The following GFPT1 variants were observed in gnomAD, a reference collection of about 807,000 sequenced individuals.
GFPT1 encodes glutamine--fructose-6-phosphate aminotransferase [isomerizing] 1.
A neutral mutation model predicts 92.0 loss-of-function variants in GFPT1; 40 were observed. The ratio of observed to expected loss-of-function variants is 0.43; its 90% CI spans 0.34 to 0.57. GFPT1 has a LOEUF of 0.57. GFPT1 is among the 20% of genes least tolerant of loss of function. The pLI is 0.02. For synonymous variants in GFPT1, 269 were observed against 280.6 expected (o/e 0.96, Z 0.41); for missense variants, 448 against 869.1 (o/e 0.52, Z 6.09).
At chr2:69,342,316 G>C in intron 12 of GFPT1, 67 bp from the exon 13 acceptor site, 2 of 931,342 alleles carry the variant, frequency 2.1e-6, no homozygotes, top group Non-Finnish European at 1.8e-6. Flanking sequence ...ATCGCATTTT[G>C]TGAGTATCCA....
At chr2:69,386,563 T>C (rs1045906024) in intron 1 of GFPT1, among the ~76,000 whole-genome samples, 1 of 152,210 alleles carries the variant, frequency 6.6e-6, no homozygotes, top group African/African-American at 2.4e-5. Flanking sequence ...TCACGTTTAA[T>C]GGCACTACCG....
At position 69,338,104 on chromosome 2, in the gene GFPT1, T is replaced by C. The variant is rs765166416; in HGVS notation, c.1325-49A>G. On this transcript the variant is annotated intron_variant, in intron 14 of 19. Coordinates refer to ENST00000357308, the MANE Select transcript of GFPT1 (RefSeq NM_001244710.2). The stretch of plus-strand genomic sequence containing the variant: ...TAACACACAGAACAGTTTTAACATA[T>C]GCTGTTTCTTAGGAGCAAAAACAAA... The C allele has an allele frequency of 4.5e-6, 7 of 1,561,644 alleles. No individual in the cohort carries two copies. In the Admixed American group the frequency reaches 6.7e-5, roughly 15 times the overall value.
chr2:69,349,183 T>C (rs1224184587), intron 10 of GFPT1, among the ~76,000 whole-genome samples: 1 of 152,200 alleles, frequency 6.6e-6, no homozygotes, highest in Non-Finnish European at 1.5e-5. Flanking sequence ...GCCTCCTCAC[T>C]ATGGAAGAGC....
Position 69,324,196 on chromosome 2 carries a change from T to G in GFPT1, c.*1993A>C, listed in dbSNP as rs1301875804. ...GTTTAGAACTTACCCTAGCTTTCAG[T>G]ATATTTGTGTGTGTGTGTGTACACA... On this transcript the variant is annotated 3_prime_UTR_variant, in exon 20 of 20. Transcript: ENST00000357308. 1 of 152,072 alleles carries G rather than the reference T, an allele frequency of 6.6e-6. No individual in the cohort carries two copies. Among genetic ancestry groups the G allele is most frequent in the Non-Finnish European group, 1.5e-5 (1 of 68,044 alleles). The allele number at this position is 152,072 out of a possible 1,614,324, so 9.4% of individuals were successfully genotyped here.
intron 10 of GFPT1, among the ~76,000 whole-genome samples, chr2:69,348,927 ACTCT>A (rs531154216): frequency 6.6e-6 from 1 of 151,140 alleles, no homozygotes; most frequent in African/African-American, 2.4e-5. Flanking sequence ...GCTTCCTCTC[ACTCT>A]CTCTATTCTG....
At chr2:69,328,502 T>G in intron 17 of GFPT1, 64 bp from the exon 18 acceptor site, 2 of 1,208,242 alleles carry the variant, frequency 1.7e-6, no homozygotes, top group Non-Finnish European at 2.5e-6. Context: ...TAAGTAAATA[T>G]TATAAAAAGC....
intron 9 of GFPT1, among the ~76,000 whole-genome samples, chr2:69,353,570 G>A (rs993275145): frequency 1.3e-5 from 2 of 151,994 alleles, no homozygotes; most frequent in East Asian, 1.9e-4. Flanking sequence ...GCACACGCTT[G>A]TAGTACTAGC....
chr2:69,366,322 CTCA>C (rs1378531862), intron 3 of GFPT1, among the ~76,000 whole-genome samples: 1 of 152,168 alleles, frequency 6.6e-6, no homozygotes, highest in Non-Finnish European at 1.5e-5. Flanking sequence ...AAGCACATTT[CTCA>C]TAATAAATAT....
At chr2:69,343,544 G>A (rs761952722) in intron 12 of GFPT1, among the ~76,000 whole-genome samples, 2 of 152,022 alleles carry the variant, frequency 1.3e-5, no homozygotes, top group South Asian at 4.2e-4. Context: ...CTTAGTAGCT[G>A]GGATTACAGG....
At chr2:69,340,310 C>T (rs899653943) in intron 13 of GFPT1, among the ~76,000 whole-genome samples, 1 of 151,934 alleles carries the variant, frequency 6.6e-6, no homozygotes, top group Non-Finnish European at 1.5e-5. Flanking sequence ...TATAGGCACA[C>T]ACCACTGCAC....
At position 69,363,583 on chromosome 2, in the gene GFPT1, G is replaced by A. The variant is rs1304621900; in HGVS notation, c.311C>T (p.Pro104Leu). The A allele has an allele frequency of 6.2e-7, 1 of 1,613,726 alleles. No individual in the cohort carries two copies. Among genetic ancestry groups the A allele is most frequent in the African/African-American group, 1.3e-5 (1 of 74,918 alleles). Residue 104 changes from proline to leucine, a missense_variant, in exon 4 of 20, where the codon CCT (proline) becomes CTT (leucine). By Grantham distance (98) the Pro-to-Leu change is moderately conservative. This residue lies in a region of GFPT1 where 118 missense variants were observed against 192.9 expected (regional missense o/e 0.61). Transcript: ENST00000357308. ...TRWATHGEPS[P>L]VNSHPQRSDK... ...AGAGCGCTGGGGGTGGCTATTGACAGGACTGGGTTCTCCATGTGTTGCCCA... is the reference window on the plus strand; with the variant it reads ...AGAGCGCTGGGGGTGGCTATTGACAAGACTGGGTTCTCCATGTGTTGCCCA...
intron 17 of GFPT1, among the ~76,000 whole-genome samples, chr2:69,328,701 CTT>C (rs10634143): frequency 9.5e-5 from 13 of 136,154 alleles, no homozygotes; most frequent in East Asian, 2.1e-4. Flanking sequence ...CTGGTTAACC[CTT>C]TTTTTTTTTT....
chr2:69,338,578 T>C lies in GFPT1; in HGVS notation c.1204-13A>G, dbSNP rs1670859146. ...GAACTTGACGTGTCTGCAGAGAAAA[T>C]ATGACTTGGTCACAGAACTTTCCTT... On this transcript the variant is annotated splice_polypyrimidine_tract_variant and intron_variant, in intron 13 of 19. Coordinates refer to ENST00000357308, the MANE Select transcript of GFPT1 (RefSeq NM_001244710.2). 1.2e-6 allele frequency: 2 copies of C among 1,613,604 alleles called. No individual in the cohort carries two copies. The highest frequency in any genetic ancestry group is 1.3e-5 in the African/African-American group (1 of 74,914).
chr2:69,369,665 G>C (rs1671695370), intron 3 of GFPT1, among the ~76,000 whole-genome samples: 1 of 152,172 alleles, frequency 6.6e-6, no homozygotes, highest in East Asian at 1.9e-4. Flanking sequence ...ATGTGTAAAA[G>C]GGCATCACTA....
chr2:69,352,539 G>C (rs1671232742), intron 9 of GFPT1, among the ~76,000 whole-genome samples: 1 of 148,704 alleles, frequency 6.7e-6, no homozygotes, highest in Non-Finnish European at 1.5e-5. Flanking sequence ...CTTGAACCCG[G>C]GAGGCCGAGG....
At chr2:69,341,626 A>C (rs1273237984) in intron 13 of GFPT1, among the ~76,000 whole-genome samples, 1 of 150,368 alleles carries the variant, frequency 6.7e-6, no homozygotes, top group Non-Finnish European at 1.5e-5. Flanking sequence ...ACCCTCATAC[A>C]CCTATGCTTC....
intron 2 of GFPT1, among the ~76,000 whole-genome samples, chr2:69,371,024 TG>T (rs1405461998): frequency 6.7e-6 from 1 of 149,270 alleles, no homozygotes; most frequent in Non-Finnish European, 1.5e-5. Context: ...AAAAACAGGG[TG>T]GGGAGCAGGG....
chr2:69,348,844 T>G (rs1205357076), intron 10 of GFPT1, among the ~76,000 whole-genome samples: 1 of 152,192 alleles, frequency 6.6e-6, no homozygotes, highest in Non-Finnish European at 1.5e-5. Context: ...AGTTTCCCTT[T>G]GGCTCTCAGA....
intron 18 of GFPT1, 53 bp from the exon 19 acceptor site, chr2:69,327,128 G>A (rs10180609): frequency 8.2e-5 from 128 of 1,562,100 alleles, no homozygotes; most frequent in Admixed American, 6.7e-4. Context: ...CAAAGGCAGG[G>A]CTATAGCTTA....
Sources: gnomAD v4.1 joint callset for allele counts (sites outside exome capture counted in the v4.1 genomes callset) on GRCh38, gnomAD v4.1.1 for gene constraint, gnomAD v4.1.1 regional missense constraint, MANE v1.5 for transcripts, NCBI Gene and HGNC (gene_info 2026-07-23, HGNC 2026-07-21) for gene names.